Variants in GFRA1 observed in about 807,000 individuals in gnomAD.
The protein encoded by GFRA1 is GDNF family receptor alpha 1, also known as GDNF family receptor alpha-1.
In GFRA1, 16 loss-of-function variants were observed where a neutral mutation model predicts 51.6. The observed-to-expected ratio is 0.31, with a 90% CI of 0.21 to 0.47. The LOEUF is 0.47. GFRA1 is among the 20% of genes least tolerant of loss of function. The pLI, the probability that GFRA1 is intolerant of heterozygous loss-of-function variation, is 1.00. For missense variants in GFRA1, 530 were observed against 594.3 expected (o/e 0.89, Z 1.13); for synonymous variants, 270 against 241.3 (o/e 1.12, Z -1.10).
Position 116,093,846 on chromosome 10 carries a change from TA to T in GFRA1, c.881-11del, listed in dbSNP as rs1159724291. On this transcript the variant is annotated splice_polypyrimidine_tract_variant and intron_variant, in intron 7 of 10. Transcript: ENST00000355422. ...GGGGTCATGACTGTGCCTAAAAGAA[TA>T]AAAACAAGGCATTTTATTGTTGTAT... 3.1e-6 allele frequency: 5 copies of T among 1,613,780 alleles called. No homozygotes were observed. In the South Asian group the frequency reaches 5.5e-5, roughly 18 times the overall value.
Position 116,140,991 on chromosome 10 carries a change from C to G in GFRA1, c.434-15434G>C, listed in dbSNP as rs552345049. Among the ~76,000 whole-genome samples, 14 of 152,282 alleles carry G rather than the reference C, an allele frequency of 9.2e-5. No homozygotes were observed. The South Asian group carries it at 2.7e-3, about 29-fold the overall frequency. On this transcript the variant is annotated intron_variant, in intron 5 of 10. Transcript: ENST00000355422. Reference sequence around the variant, plus strand: ...TATGCATCAATGTCCTGGCACAGATCGATCAAACAGAATGCTACTGCTGAA... The same window carrying G: ...TATGCATCAATGTCCTGGCACAGATGGATCAAACAGAATGCTACTGCTGAA...
chr10:116,189,243 G>C (rs1963031883), intron 5 of GFRA1, among the ~76,000 whole-genome samples: 1 of 152,124 alleles, frequency 6.6e-6, no homozygotes. Flanking sequence ...AACTGTTTTG[G>C]GGGGCAGATC....
At chr10:116,071,475 G>C (rs1033975962) in intron 9 of GFRA1, among the ~76,000 whole-genome samples, 14 of 152,220 alleles carry the variant, frequency 9.2e-5, no homozygotes, top group African/African-American at 3.4e-4. Flanking sequence ...GCTCAGACAG[G>C]TTGGGCTACA....
intron 4 of GFRA1, among the ~76,000 whole-genome samples, chr10:116,242,166 GAC>G (rs1967440459): frequency 6.6e-6 from 1 of 152,016 alleles, no homozygotes; most frequent in Non-Finnish European, 1.5e-5. Flanking sequence ...TTCTTGTTTA[GAC>G]ACAGTCTGAA....
Position 116,062,397 on chromosome 10 carries a change from T to C in GFRA1, c.*2001A>G. 1 of 336,286 alleles carries C rather than the reference T, an allele frequency of 3.0e-6. No homozygotes were observed. Among genetic ancestry groups the C allele is most frequent in the Non-Finnish European group, 5.3e-6 (1 of 187,872 alleles). 20.8% of individuals were successfully genotyped at this position (336,286 alleles called of 1,614,324 possible). On this transcript the variant is annotated 3_prime_UTR_variant, in exon 11 of 11. Coordinates refer to ENST00000355422, the MANE Select transcript of GFRA1 (RefSeq NM_005264.8). ...TTTTCACTAATTAAATACAGTTGGGTGTCTGCTGAATTTCCCTTGAAAACA... is the reference window on the plus strand; with the variant it reads ...TTTTCACTAATTAAATACAGTTGGGCGTCTGCTGAATTTCCCTTGAAAACA...
At chr10:116,110,666 T>C (rs1957173203) in intron 6 of GFRA1, among the ~76,000 whole-genome samples, 1 of 152,202 alleles carries the variant, frequency 6.6e-6, no homozygotes, top group African/African-American at 2.4e-5. Flanking sequence ...CTTTGTAGCC[T>C]GGCACCTAGC....
intron 6 of GFRA1, among the ~76,000 whole-genome samples, chr10:116,117,874 C>G (rs1957491812): frequency 6.6e-6 from 1 of 152,096 alleles, no homozygotes; most frequent in South Asian, 2.1e-4. Flanking sequence ...ACACCAATGA[C>G]CATCTCCCTT....
chr10:116,074,030 C>A (rs2133806732), intron 9 of GFRA1, among the ~76,000 whole-genome samples: 1 of 152,148 alleles, frequency 6.6e-6, no homozygotes, highest in East Asian at 1.9e-4. Flanking sequence ...ATAGGAAAAC[C>A]AAGTAGATGA....
chr10:116,104,966 AAGT>A (rs1244552213), intron 6 of GFRA1, among the ~76,000 whole-genome samples: 1 of 152,188 alleles, frequency 6.6e-6, no homozygotes, highest in Non-Finnish European at 1.5e-5. Flanking sequence ...AGAAAACTCT[AAGT>A]AGTAATGGGA....
rs573529596 is a variant in GFRA1, at chr10:116,064,055, G to C, written c.*343C>G. 38 of 109,978 alleles carry C rather than the reference G, an allele frequency of 3.5e-4. 1 individual carries two copies. The Admixed American group carries it at 3.8e-3, about 11-fold the overall frequency. 6.8% of individuals were successfully genotyped at this position (109,978 alleles called of 1,614,324 possible). A position where few individuals can be genotyped will look rare whatever the true frequency, so the allele number is the denominator to read the frequency against. ...CTGTTAAAATCATCATCATGATCAT[G>C]ATGATCATCATCATGATCATGATGA... On this transcript the variant is annotated 3_prime_UTR_variant, in exon 11 of 11. Coordinates refer to ENST00000355422, the MANE Select transcript of GFRA1 (RefSeq NM_005264.8).
At chr10:116,235,613 G>A (rs1663004629) in intron 4 of GFRA1, among the ~76,000 whole-genome samples, 1 of 152,104 alleles carries the variant, frequency 6.6e-6, no homozygotes, top group African/African-American at 2.4e-5. Flanking sequence ...CCTCCCTAAA[G>A]CTGACAAATC....
At chr10:116,121,362 T>C (rs11817124) in intron 6 of GFRA1, among the ~76,000 whole-genome samples, 10,025 of 152,182 alleles carry the variant, frequency 0.066, 502 homozygotes, top group African/African-American at 0.14. Context: ...CATTTGCTTT[T>C]CTGTAGACAA....
intron 4 of GFRA1, among the ~76,000 whole-genome samples, chr10:116,235,786 G>T (rs1966861827): frequency 6.6e-6 from 1 of 152,152 alleles, no homozygotes; most frequent in South Asian, 2.1e-4. Context: ...ATAAGAGAGA[G>T]CTTGACTTAT....
intron 5 of GFRA1, among the ~76,000 whole-genome samples, chr10:116,174,863 T>C (rs1379414453): frequency 6.6e-6 from 1 of 152,200 alleles, no homozygotes; most frequent in Non-Finnish European, 1.5e-5. Flanking sequence ...CAAAATATAA[T>C]ATAGAATTGG....
chr10:116,226,739 TA>T (rs1293582999), intron 4 of GFRA1: 2 of 396,058 alleles, frequency 5.0e-6, no homozygotes, highest in Non-Finnish European at 1.0e-5. Context: ...CAACTCACCA[TA>T]ATGTATTATA....
rs966707824 is a variant in GFRA1, at chr10:116,061,612, G to C, written c.*2786C>G. ...GTAATCAGGGAGTCACGGTCTGCATGGACCCTAGTTACTGTTTGGTTTCAT... is the reference window on the plus strand; with the variant it reads ...GTAATCAGGGAGTCACGGTCTGCATCGACCCTAGTTACTGTTTGGTTTCAT... On this transcript the variant is annotated 3_prime_UTR_variant, in exon 11 of 11. Coordinates refer to ENST00000355422, the MANE Select transcript of GFRA1 (RefSeq NM_005264.8). 5.8e-6 allele frequency: 1 copy of C among 171,294 alleles called. No homozygotes were observed. The highest frequency in any genetic ancestry group is 1.2e-5 in the Non-Finnish European group (1 of 81,222). 10.6% of individuals were successfully genotyped at this position (171,294 alleles called of 1,614,324 possible). A position where few individuals can be genotyped will look rare whatever the true frequency, so the allele number is the denominator to read the frequency against.
At chr10:116,104,494 A>C (rs976135252) in intron 6 of GFRA1, among the ~76,000 whole-genome samples, 1 of 152,182 alleles carries the variant, frequency 6.6e-6, no homozygotes, top group Admixed American at 6.5e-5. Flanking sequence ...GCAAAGCTTC[A>C]TGGGCTGAGA....
rs752889482 is a variant in GFRA1, at chr10:116,272,140, G to C, written c.-111C>G. On this transcript the variant is annotated 5_prime_UTR_variant, in exon 2 of 11. Coordinates refer to ENST00000355422, the MANE Select transcript of GFRA1 (RefSeq NM_005264.8). The surrounding 1 kb of genome is among the most constrained non-coding windows in gnomAD (Gnocchi z 4.4). ...ATCCCCGGACAGCTGTGCTGCTCTG[G>C]CCGCCCAAAGTTCAGCTCCATCCAG... 1.3e-4 allele frequency: 120 copies of C among 959,668 alleles called. No individual in the cohort carries two copies. The highest frequency in any genetic ancestry group is 1.8e-4 in the Non-Finnish European group (112 of 611,290). The allele number at this position is 959,668 out of a possible 1,614,324, so 59.4% of individuals were successfully genotyped here. A position where few individuals can be genotyped will look rare whatever the true frequency, so the allele number is the denominator to read the frequency against.
intron 10 of GFRA1, among the ~76,000 whole-genome samples, chr10:116,064,965 G>A (rs1955030209): frequency 6.6e-6 from 1 of 152,150 alleles, no homozygotes; most frequent in African/African-American, 2.4e-5. Context: ...AGGAGTTGGA[G>A]AGAGCAAGAG....
Sources: gnomAD v4.1 joint callset for allele counts (sites outside exome capture counted in the v4.1 genomes callset) on GRCh38, gnomAD v4.1.1 for gene constraint, Gnocchi (gnomAD v3.1) non-coding constraint, MANE v1.5 for transcripts, NCBI Gene and HGNC (gene_info 2026-07-23, HGNC 2026-07-21) for gene names.